Variants in C12orf42 observed in about 807,000 individuals in gnomAD.
The protein encoded by C12orf42 is chromosome 12 open reading frame 42.
A neutral mutation model predicts 21.6 loss-of-function variants in C12orf42; 25 were observed. The observed-to-expected ratio is 1.16, with a 90% CI of 0.84 to 1.62. The LOEUF is 1.62. Among genes scored for constraint, C12orf42 ranks in the 40% most tolerant of loss-of-function variants. The pLI is 0.00. For missense variants in C12orf42, 483 were observed against 459.3 expected (o/e 1.05, Z -0.47); for synonymous variants, 174 against 175.0 (o/e 0.99, Z 0.05).
the C12orf42 span, among the ~76,000 whole-genome samples, chr12:103,553,624 G>A: frequency 5.3e-5 from 8 of 152,156 alleles, no homozygotes; most frequent in South Asian, 2.1e-4. Flanking sequence ...GTTAGAAATC[G>A]TTTGAGTCAG....
chr12:103,445,790 C>T (rs1951540113), intron 2 of C12orf42, among the ~76,000 whole-genome samples: 1 of 151,954 alleles, frequency 6.6e-6, no homozygotes, highest in South Asian at 2.1e-4. Flanking sequence ...ATAGTTAGTA[C>T]TCTTTGGGTC....
intron 2 of C12orf42, among the ~76,000 whole-genome samples, chr12:103,451,097 G>C (rs988979762): frequency 1.3e-5 from 2 of 151,944 alleles, no homozygotes; most frequent in East Asian, 3.9e-4. Context: ...GCAATGCTGA[G>C]GTCTCAACAA....
chr12:103,121,144 T>C, the C12orf42 span, among the ~76,000 whole-genome samples: 1 of 152,180 alleles, frequency 6.6e-6, no homozygotes, highest in African/African-American at 2.4e-5. Flanking sequence ...CCAGGGTAAA[T>C]GTATATTAAA....
the C12orf42 span, among the ~76,000 whole-genome samples, chr12:103,191,782 G>T: frequency 2.0e-5 from 3 of 149,576 alleles, no homozygotes; most frequent in East Asian, 5.9e-4. Context: ...AAAATATTAA[G>T]AGCTATAACC....
At chr12:103,255,451 T>C (rs1349705341) in intron 10 of C12orf42, among the ~76,000 whole-genome samples, 2 of 152,252 alleles carry the variant, frequency 1.3e-5, no homozygotes, top group Non-Finnish European at 2.9e-5. Context: ...ATCTCCCATT[T>C]AAATTTTAGA....
chr12:103,130,567 G>A, the C12orf42 span, among the ~76,000 whole-genome samples: 1 of 152,142 alleles, frequency 6.6e-6, no homozygotes, highest in African/African-American at 2.4e-5. Context: ...GGAAAGGTTA[G>A]TGTGCAGGTC....
At chr12:103,150,152 T>A in the C12orf42 span, among the ~76,000 whole-genome samples, 1 of 152,226 alleles carries the variant, frequency 6.6e-6, no homozygotes, top group Non-Finnish European at 1.5e-5. Context: ...CATAAGTTAA[T>A]AAATCTCTGT....
chr12:103,317,076 C>G (rs1229462773), intron 4 of C12orf42, among the ~76,000 whole-genome samples: 1 of 152,160 alleles, frequency 6.6e-6, no homozygotes, highest in Admixed American at 6.5e-5. Flanking sequence ...AATACCAGTG[C>G]CCCAAAATTG....
intron 4 of C12orf42, among the ~76,000 whole-genome samples, chr12:103,332,355 T>C (rs1406760887): frequency 6.6e-6 from 1 of 152,104 alleles, no homozygotes; most frequent in Non-Finnish European, 1.5e-5. Flanking sequence ...TAAGTCAGGG[T>C]GGTACAATTG....
chr12:103,403,974 A>G (rs2048234799), intron 2 of C12orf42, among the ~76,000 whole-genome samples: 1 of 152,208 alleles, frequency 6.6e-6, no homozygotes, highest in African/African-American at 2.4e-5. Flanking sequence ...AGAGACTGTG[A>G]TGCAAAAACA....
At chr12:103,394,746 G>C (rs1202084327) in intron 3 of C12orf42, among the ~76,000 whole-genome samples, 1 of 152,134 alleles carries the variant, frequency 6.6e-6, no homozygotes, top group East Asian at 1.9e-4. Flanking sequence ...GTACAGATGG[G>C]GTCGCTTTCC....
At chr12:103,056,586 ATTTT>A in the C12orf42 span, among the ~76,000 whole-genome samples, 1 of 151,908 alleles carries the variant, frequency 6.6e-6, no homozygotes, top group Admixed American at 6.5e-5. Flanking sequence ...TGAATATTAG[ATTTT>A]TTGTTATAGT....
chr12:103,189,971 GTA>G, the C12orf42 span, among the ~76,000 whole-genome samples: 4 of 150,760 alleles, frequency 2.7e-5, no homozygotes, highest in Admixed American at 6.6e-5. Flanking sequence ...ATATACATGT[GTA>G]TATATATATA....
In C12orf42 at chr12:103,423,822, T is replaced by A. The variant is rs114450095; in HGVS notation, c.79-22147A>T. Among the ~76,000 whole-genome samples, 338 of 152,326 alleles carry A rather than the reference T, an allele frequency of 2.2e-3. 1 individual carries two copies. The highest frequency in any genetic ancestry group is 7.9e-3 in the African/African-American group (328 of 41,590). ...AATTATGGCAATTTAACATTCCAAA[T>A]GAAGCCAAAGCTCTCGGCATCCCCT... On this transcript the variant is annotated intron_variant, in intron 2 of 5. Coordinates refer to ENST00000548883, the MANE Select transcript of C12orf42 (RefSeq NM_198521.5).
At chr12:103,186,071 G>A in the C12orf42 span, among the ~76,000 whole-genome samples, 517 of 152,224 alleles carry the variant, frequency 3.4e-3, 1 homozygote, top group African/African-American at 0.012. Context: ...TTAGGGCATG[G>A]TAGGTTTATA....
At chr12:103,563,685 A>G in the C12orf42 span, among the ~76,000 whole-genome samples, 2 of 152,192 alleles carry the variant, frequency 1.3e-5, no homozygotes, top group African/African-American at 4.8e-5. Flanking sequence ...GCAGGTCATG[A>G]TCCACATGAA....
intron 4 of C12orf42, among the ~76,000 whole-genome samples, chr12:103,361,904 T>C (rs2044148733): frequency 6.6e-6 from 1 of 152,096 alleles, no homozygotes; most frequent in Admixed American, 6.6e-5. Flanking sequence ...CCCAACCTGA[T>C]GGTCCTTCCC....
At chr12:103,287,210 A>C (rs542951145) in intron 4 of C12orf42, among the ~76,000 whole-genome samples, 3 of 152,328 alleles carry the variant, frequency 2.0e-5, no homozygotes, top group African/African-American at 7.2e-5. Flanking sequence ...CTGGGTATAT[A>C]CCCAAAGGAT....
chr12:103,429,368 A>G (rs1240267694), intron 2 of C12orf42, among the ~76,000 whole-genome samples: 1 of 152,228 alleles, frequency 6.6e-6, no homozygotes, highest in Non-Finnish European at 1.5e-5. Flanking sequence ...TCCCATTCAC[A>G]TTTGCTACAA....
Sources: allele counts gnomAD v4.1 joint callset (sites outside exome capture counted in the v4.1 genomes callset), GRCh38; gene constraint gnomAD v4.1.1; transcripts MANE v1.5; gene names NCBI Gene and HGNC (gene_info 2026-07-23, HGNC 2026-07-21).